SGCD: variants seen among roughly 807,000 people sequenced by gnomAD.
SGCD encodes the protein delta-sarcoglycan.
In SGCD, 18 loss-of-function variants were observed where a neutral mutation model predicts 36.6. The observed-to-expected ratio is 0.49, with a 90% CI of 0.34 to 0.73. The LOEUF (loss-of-function observed/expected upper bound fraction) is 0.73. SGCD is among the 30% of genes least tolerant of loss of function. The pLI is 0.01. For synonymous variants in SGCD, 133 were observed against 130.6 expected (o/e 1.02, Z -0.12); for missense variants, 387 against 346.7 (o/e 1.12, Z -0.92).
At chr5:156,193,706 C>T (rs1466017297) in intron 3 of SGCD, among the ~76,000 whole-genome samples, 1 of 152,114 alleles carries the variant, frequency 6.6e-6, no homozygotes, top group Non-Finnish European at 1.5e-5. Context: ...GCCACCCACT[C>T]AGAGAGATGG....
At chr5:156,351,603 G>GTCATCATCATCATCATCA (rs141077881) in intron 3 of SGCD, among the ~76,000 whole-genome samples, 1 of 149,100 alleles carries the variant, frequency 6.7e-6, no homozygotes, top group African/African-American at 2.5e-5. Context: ...TATCGTCGTA[G>GTCATCATCATCATCATCA]TCATCATCAT....
chr5:155,884,855 C>T (rs1362190309), intron 1 of SGCD, among the ~76,000 whole-genome samples: 1 of 55,862 alleles, frequency 1.8e-5, no homozygotes, highest in Non-Finnish European at 3.0e-5. Context: ...TAACAAACAA[C>T]GCAGTACCTG....
At chr5:156,610,460 G>A (rs1469405752) in intron 6 of SGCD, among the ~76,000 whole-genome samples, 1 of 152,182 alleles carries the variant, frequency 6.6e-6, no homozygotes, top group African/African-American at 2.4e-5. Context: ...CTATTGGAGG[G>A]TGCCTCCCAG....
chr5:155,914,469 A>G (rs1228672708), intron 1 of SGCD, among the ~76,000 whole-genome samples: 1 of 152,160 alleles, frequency 6.6e-6, no homozygotes, highest in African/African-American at 2.4e-5. Context: ...GGCTCTTCCC[A>G]GTACTAGAAG....
At chr5:155,745,527 C>A in the SGCD span, among the ~76,000 whole-genome samples, 3 of 151,994 alleles carry the variant, frequency 2.0e-5, no homozygotes, top group Admixed American at 2.0e-4. Flanking sequence ...TCAAAGAAAA[C>A]CATTGCCTTT....
chr5:156,558,548 A>G (rs989726753), intron 4 of SGCD, among the ~76,000 whole-genome samples: 4 of 152,148 alleles, frequency 2.6e-5, no homozygotes, highest in South Asian at 2.1e-4. Flanking sequence ...GACACTGACT[A>G]TACCACTCAC....
chr5:156,027,502 A>G lies in SGCD; in HGVS notation c.-281-90376A>G, dbSNP rs113172341. ...CCAATTTTATTAGAATATGATGACA[A>G]TTGAATAGCAGATATCATGATGAAT... On this transcript the variant is annotated intron_variant, in intron 1 of 9. Coordinates refer to the SGCD transcript ENST00000517913. Among the ~76,000 whole-genome samples the G allele has an allele frequency of 6.9e-3, 1,048 of 152,294 alleles. 12 individuals are homozygous for G. The highest frequency in any genetic ancestry group is 0.024 in the African/African-American group (992 of 41,562).
chr5:156,668,342 T>C (rs572369899), intron 7 of SGCD, among the ~76,000 whole-genome samples: 8 of 152,234 alleles, frequency 5.3e-5, no homozygotes, highest in African/African-American at 1.9e-4. Context: ...TTCCTTCCCC[T>C]TTTCCCTATT....
rs546769634 is a variant in SGCD at position 156,286,810 on chromosome 5, A to G, written c.-43-42724A>G. ...GCACGTTGTGCACATGTACCCTAAA[A>G]CTTAAAGTATAATAAAAAAAAAAAG... is the stretch of plus-strand genomic sequence containing the variant. On this transcript the variant is annotated intron_variant, in intron 3 of 9. Coordinates refer to the SGCD transcript ENST00000517913. Among the ~76,000 whole-genome samples the G allele has an allele frequency of 7.8e-4, 118 of 151,986 alleles. 2 individuals carry two copies. Among genetic ancestry groups the G allele is most frequent in the African/African-American group, 2.8e-3 (114 of 41,398 alleles).
intron 1 of SGCD, among the ~76,000 whole-genome samples, chr5:156,103,979 T>C (rs1421455351): frequency 1.3e-5 from 2 of 152,156 alleles, no homozygotes; most frequent in South Asian, 4.1e-4. Flanking sequence ...ATGCTTAATA[T>C]TTTGTTTTTT....
intron 1 of SGCD, among the ~76,000 whole-genome samples, chr5:155,956,562 G>T (rs1486162983): frequency 1.3e-5 from 2 of 152,068 alleles, no homozygotes; most frequent in African/African-American, 4.8e-5. Flanking sequence ...CAAACTTGGT[G>T]TTTTCAAGCA....
At chr5:155,901,142 C>T (rs941533568) in intron 1 of SGCD, among the ~76,000 whole-genome samples, 1 of 151,876 alleles carries the variant, frequency 6.6e-6, no homozygotes, top group African/African-American at 2.4e-5. Flanking sequence ...GAAACCCTGT[C>T]ACTACTAAAA....
intron 1 of SGCD, among the ~76,000 whole-genome samples, chr5:155,883,793 CAAAAAA>C (rs34250962): frequency 1.1e-4 from 9 of 83,490 alleles, no homozygotes; most frequent in Middle Eastern, 0.019. Context: ...CTTCAATTTG[CAAAAAA>C]AAAAAAAAAA....
intron 1 of SGCD, among the ~76,000 whole-genome samples, chr5:155,940,884 CAT>C (rs200036889): frequency 5.2e-4 from 79 of 151,598 alleles, no homozygotes; most frequent in African/African-American, 1.8e-3. Context: ...ACAAAAAAAA[CAT>C]TAACTAGTGT....
chr5:156,572,491 C>T lies in SGCD; in HGVS notation c.295-16740C>T, dbSNP rs536703175. 1.9e-4 allele frequency among the ~76,000 whole-genome samples: 29 copies of T among 152,160 alleles called. No homozygotes were observed. The South Asian group carries it at 3.9e-3, about 21-fold the overall frequency. On this transcript the variant is annotated intron_variant, in intron 4 of 8. Coordinates refer to ENST00000337851, the MANE Select transcript of SGCD (RefSeq NM_000337.6). Reference sequence around the variant, plus strand: ...AATTTTTAGCCTCATTTTAACTTACCGGGTTTCCATTTGTTGTTGTTGTTG... The same window carrying T: ...AATTTTTAGCCTCATTTTAACTTACTGGGTTTCCATTTGTTGTTGTTGTTG...
the SGCD span, among the ~76,000 whole-genome samples, chr5:155,727,845 G>T: frequency 1.3e-5 from 2 of 152,186 alleles, no homozygotes; most frequent in East Asian, 1.9e-4. Context: ...ACAAGCTCTC[G>T]CTGGGAATCC....
At chr5:156,556,301 T>C (rs573641403) in intron 4 of SGCD, among the ~76,000 whole-genome samples, 34 of 152,214 alleles carry the variant, frequency 2.2e-4, no homozygotes, top group African/African-American at 8.2e-4. Flanking sequence ...CTCTATATCA[T>C]TTTTGTCACC....
chr5:156,571,182 A>G (rs1243337138), intron 4 of SGCD, among the ~76,000 whole-genome samples: 3 of 152,116 alleles, frequency 2.0e-5, no homozygotes, highest in African/African-American at 7.2e-5. Context: ...AGTAGCTGGG[A>G]TTACAGGTGT....
intron 1 of SGCD, among the ~76,000 whole-genome samples, chr5:155,922,833 G>GTTTCAT (rs1561651076): frequency 2.0e-4 from 31 of 152,150 alleles, no homozygotes; most frequent in African/African-American, 6.5e-4. Context: ...TTTGAGGTTG[G>GTTTCAT]CTGTTTCATC....
Sources: gnomAD v4.1 joint callset for allele counts (sites outside exome capture counted in the v4.1 genomes callset) on GRCh38, gnomAD v4.1.1 for gene constraint, MANE v1.5 for transcripts, NCBI Gene and HGNC (gene_info 2026-07-23, HGNC 2026-07-21) for gene names.